The following RIMS2 variants were observed in gnomAD, a reference collection of about 807,000 sequenced individuals.
The protein encoded by RIMS2 is regulating synaptic membrane exocytosis 2.
A neutral mutation model predicts 174.4 loss-of-function variants in RIMS2; 59 were observed. The observed-to-expected ratio is 0.34, with a 90% CI of 0.27 to 0.42. The LOEUF is 0.42. RIMS2 is among the 10% of genes least tolerant of loss of function. The pLI, the probability that RIMS2 is intolerant of heterozygous loss-of-function variation, is 1.00. For missense variants in RIMS2, 1,620 were observed against 1,666.3 expected (o/e 0.97, Z 0.48); for synonymous variants, 606 against 572.5 (o/e 1.06, Z -0.84).
intron 3 of RIMS2, among the ~76,000 whole-genome samples, chr8:103,773,021 G>A (rs1284298266): frequency 6.6e-6 from 1 of 152,046 alleles, no homozygotes; most frequent in Non-Finnish European, 1.5e-5. Flanking sequence ...AATATTATTT[G>A]ATCTTGGTTT....
intron 3 of RIMS2, among the ~76,000 whole-genome samples, chr8:103,842,728 T>C (rs1220149619): frequency 6.6e-6 from 1 of 152,240 alleles, no homozygotes; most frequent in Non-Finnish European, 1.5e-5. Flanking sequence ...CATTGGTTGT[T>C]ATAGAAGTTT....
rs112991505 is a variant in RIMS2 at position 104,138,685 on chromosome 8, G to A, written c.3335-106231G>A. Among the ~76,000 whole-genome samples, 611 of 152,150 alleles carry A rather than the reference G, an allele frequency of 4.0e-3. 7 individuals carry two copies. The highest frequency in any genetic ancestry group is 0.014 in the African/African-American group (563 of 41,516). ...TGGTTATTAATCCCTTGTCAGACGG[G>A]TAGTTTGCAAATATTTTCTCCTATT... On this transcript the variant is annotated intron_variant, in intron 19 of 23. Transcript: ENST00000504942.
chr8:103,710,065 T>C (rs2137899587), intron 2 of RIMS2, among the ~76,000 whole-genome samples: 1 of 152,204 alleles, frequency 6.6e-6, no homozygotes, highest in Admixed American at 6.5e-5. Flanking sequence ...TTTTTTCAAA[T>C]TTGATCATCA....
chr8:104,155,409 C>CTTTTT (rs10578958), intron 19 of RIMS2, among the ~76,000 whole-genome samples: 2 of 81,018 alleles, frequency 2.5e-5, no homozygotes, highest in Non-Finnish European at 4.5e-5. Flanking sequence ...CCCGGCCTTG[C>CTTTTT]TTTTTTTTTT....
intron 1 of RIMS2, among the ~76,000 whole-genome samples, chr8:103,696,697 C>T (rs1353954755): frequency 2.0e-5 from 3 of 151,626 alleles, no homozygotes; most frequent in African/African-American, 7.3e-5. Flanking sequence ...AACTGCATCT[C>T]TACTAAAAAT....
chr8:103,536,219 CTT>C (rs1839689972), intron 1 of RIMS2, among the ~76,000 whole-genome samples: 1 of 152,102 alleles, frequency 6.6e-6, no homozygotes, highest in Admixed American at 6.5e-5. Context: ...GCTCTCTTGA[CTT>C]TGTGTTAGCA....
At chr8:104,214,947 G>A (rs752451514) in intron 19 of RIMS2, among the ~76,000 whole-genome samples, 7 of 152,126 alleles carry the variant, frequency 4.6e-5, no homozygotes, top group Non-Finnish European at 1.0e-4. Flanking sequence ...AATGTTTTCC[G>A]TGGGCTCTTT....
intron 1 of RIMS2, among the ~76,000 whole-genome samples, chr8:103,610,437 T>C (rs1209334754): frequency 3.3e-5 from 5 of 152,230 alleles, no homozygotes; most frequent in Admixed American, 3.3e-4. Flanking sequence ...CTCCAGCTTT[T>C]GCTCATTCAG....
At chr8:104,176,650 A>C (rs953127215) in intron 19 of RIMS2, among the ~76,000 whole-genome samples, 3 of 151,438 alleles carry the variant, frequency 2.0e-5, no homozygotes, top group Non-Finnish European at 4.4e-5. Context: ...GATTCATATA[A>C]TTATATATGA....
At chr8:104,032,276 G>A (rs2096410926) in intron 19 of RIMS2, among the ~76,000 whole-genome samples, 1 of 152,004 alleles carries the variant, frequency 6.6e-6, no homozygotes, top group Non-Finnish European at 1.5e-5. Context: ...AAGGAAGAGG[G>A]TTAGCATAGT....
intron 1 of RIMS2, among the ~76,000 whole-genome samples, chr8:103,640,286 T>A (rs1376485666): frequency 6.6e-6 from 1 of 151,952 alleles, no homozygotes; most frequent in African/African-American, 2.4e-5. Context: ...TTTTCCTTGA[T>A]TAGCCTAGCT....
intron 19 of RIMS2, among the ~76,000 whole-genome samples, chr8:104,214,732 G>A (rs565202958): frequency 1.3e-5 from 2 of 152,130 alleles, no homozygotes; most frequent in Admixed American, 6.5e-5. Flanking sequence ...GAGCCACCTC[G>A]CCAGGCCCGA....
intron 3 of RIMS2, among the ~76,000 whole-genome samples, chr8:103,884,467 C>G (rs1251652658): frequency 6.6e-6 from 1 of 151,744 alleles, no homozygotes; most frequent in Non-Finnish European, 1.5e-5. Flanking sequence ...AACAGGGTAT[C>G]ATGTCTTATT....
At chr8:103,882,436 T>C (rs556997829) in intron 3 of RIMS2, among the ~76,000 whole-genome samples, 1 of 151,710 alleles carries the variant, frequency 6.6e-6, no homozygotes, top group South Asian at 2.1e-4. Context: ...TTGATACATG[T>C]ATTGTTAGAA....
intron 2 of RIMS2, among the ~76,000 whole-genome samples, chr8:103,701,587 A>G (rs1383354870): frequency 2.0e-5 from 3 of 151,676 alleles, no homozygotes; most frequent in South Asian, 2.1e-4. Flanking sequence ...GCTTCCTCCT[A>G]CCCTTCCCAG....
intron 1 of RIMS2, among the ~76,000 whole-genome samples, chr8:103,557,586 A>G (rs1463880141): frequency 6.6e-6 from 1 of 152,192 alleles, no homozygotes; most frequent in Non-Finnish European, 1.5e-5. Context: ...CACTACAATG[A>G]ATGAAACTAT....
At chr8:104,121,826 G>T (rs2098379459) in intron 19 of RIMS2, among the ~76,000 whole-genome samples, 1 of 152,088 alleles carries the variant, frequency 6.6e-6, no homozygotes, top group Non-Finnish European at 1.5e-5. Context: ...GCCAGGCGTG[G>T]TGACACACGC....
intron 1 of RIMS2, among the ~76,000 whole-genome samples, chr8:103,548,327 G>T (rs1846043043): frequency 6.6e-6 from 1 of 152,124 alleles, no homozygotes. Flanking sequence ...GATCAACTAG[G>T]CTTTATCTCT....
At chr8:103,965,463 T>G in intron 15 of RIMS2, among the ~76,000 whole-genome samples, 1 of 152,138 alleles carries the variant, frequency 6.6e-6, no homozygotes, top group South Asian at 2.1e-4. Flanking sequence ...TATGGGAAAG[T>G]TATTGACTTT....
Sources: allele counts gnomAD v4.1 joint callset (sites outside exome capture counted in the v4.1 genomes callset), GRCh38; gene constraint gnomAD v4.1.1; transcripts MANE v1.5; gene names NCBI Gene and HGNC (gene_info 2026-07-23, HGNC 2026-07-21).